COL8A1: variants seen among roughly 807,000 people sequenced by gnomAD.
COL8A1 encodes the protein collagen type VIII alpha 1 chain, also known as collagen alpha-1(VIII) chain.
In COL8A1, 21 loss-of-function variants were observed where a neutral mutation model predicts 42.7. The ratio of observed to expected loss-of-function variants is 0.49; its 90% CI spans 0.35 to 0.71. The LOEUF is 0.71. Among genes scored for constraint, COL8A1 ranks in the 30% least tolerant of loss-of-function variants. COL8A1 has a pLI of 0.01. For synonymous variants in COL8A1, 367 were observed against 369.1 expected (o/e 0.99, Z 0.06); for missense variants, 788 against 962.4 (o/e 0.82, Z 2.40).
At chr3:99,785,800 TG>T (rs978443359) in intron 2 of COL8A1, among the ~76,000 whole-genome samples, 89 of 152,298 alleles carry the variant, frequency 5.8e-4, no homozygotes, top group African/African-American at 2.1e-3. Flanking sequence ...AATCCAACTC[TG>T]CCAATATCTT....
intron 2 of COL8A1, among the ~76,000 whole-genome samples, chr3:99,773,333 C>A (rs1276710676): frequency 6.6e-6 from 1 of 152,072 alleles, no homozygotes; most frequent in Non-Finnish European, 1.5e-5. Flanking sequence ...AGTGAGCAGG[C>A]TCTTCTGGGT....
At position 99,733,067 on chromosome 3, in the gene COL8A1, C is replaced by T. The variant is rs540972854; in HGVS notation, c.-128-11830C>T. On this transcript the variant is annotated intron_variant, in intron 1 of 3. Coordinates refer to ENST00000652472, the MANE Select transcript of COL8A1 (RefSeq NM_020351.4). ...AAATGTCAGCTCCCACGGCCTTGGG[C>T]AACTCTACTCCTGTGGCTTTGCAGG... is the stretch of plus-strand genomic sequence containing the variant. 1.1e-4 allele frequency among the ~76,000 whole-genome samples: 16 copies of T among 150,950 alleles called. No individual in the cohort carries two copies. In the East Asian group the frequency reaches 3.1e-3, roughly 29 times the overall value.
intron 1 of COL8A1, among the ~76,000 whole-genome samples, chr3:99,710,315 G>C (rs1939799337): frequency 6.6e-6 from 1 of 152,142 alleles, no homozygotes; most frequent in Non-Finnish European, 1.5e-5. Flanking sequence ...GGGAGGAACA[G>C]GTTGTGACAC....
chr3:99,687,766 T>G lies in COL8A1; in HGVS notation c.-129+49102T>G, dbSNP rs149448951. Among the ~76,000 whole-genome samples the G allele has an allele frequency of 1.3e-3, 192 of 152,308 alleles. 1 individual carries two copies. Among genetic ancestry groups the G allele is most frequent in the African/African-American group, 4.3e-3 (179 of 41,568 alleles). ...CATTATAATAACAACCAGCTTAACA[T>G]AGTTGTAAAAATTAATGAAACCATT... On this transcript the variant is annotated intron_variant, in intron 1 of 3. Coordinates refer to ENST00000652472, the MANE Select transcript of COL8A1 (RefSeq NM_020351.4).
chr3:99,763,735 T>C (rs78600204), intron 2 of COL8A1, among the ~76,000 whole-genome samples: 1 of 152,326 alleles, frequency 6.6e-6, no homozygotes, highest in East Asian at 1.9e-4. Context: ...TACCATGTTC[T>C]GCTTCCTGAG....
At chr3:99,734,411 T>TA (rs1940631693) in intron 1 of COL8A1, among the ~76,000 whole-genome samples, 1 of 149,298 alleles carries the variant, frequency 6.7e-6, no homozygotes, top group South Asian at 2.1e-4. Flanking sequence ...TAGGGAATCC[T>TA]TTCCCCATTG....
intron 3 of COL8A1, among the ~76,000 whole-genome samples, chr3:99,793,743 TCTTA>T (rs1942045927): frequency 6.6e-6 from 1 of 152,142 alleles, no homozygotes; most frequent in Non-Finnish European, 1.5e-5. Flanking sequence ...GATTTTTCTT[TCTTA>T]TTTATTTATT....
chr3:99,688,356 T>G (rs1939124639), intron 1 of COL8A1, among the ~76,000 whole-genome samples: 1 of 152,194 alleles, frequency 6.6e-6, no homozygotes. Context: ...TTCCTTGTCT[T>G]TCCAGCTTCT....
chr3:99,754,020 T>A (rs1314141744), intron 2 of COL8A1, among the ~76,000 whole-genome samples: 2 of 152,214 alleles, frequency 1.3e-5, no homozygotes, highest in East Asian at 3.8e-4. Flanking sequence ...GCTGAAACAA[T>A]TAGTACTTGT....
intron 1 of COL8A1, among the ~76,000 whole-genome samples, chr3:99,686,348 G>A (rs1341117151): frequency 6.6e-6 from 1 of 152,160 alleles, no homozygotes; most frequent in Non-Finnish European, 1.5e-5. Flanking sequence ...GAACAATAAA[G>A]TAGCTAATCA....
At chr3:99,641,962 T>A (rs1937514141) in intron 1 of COL8A1, among the ~76,000 whole-genome samples, 1 of 152,144 alleles carries the variant, frequency 6.6e-6, no homozygotes, top group African/African-American at 2.4e-5. Flanking sequence ...CTTTTTAGCA[T>A]TGTGTGAAAA....
chr3:99,778,868 T>C (rs1284141253), intron 2 of COL8A1, among the ~76,000 whole-genome samples: 1 of 152,154 alleles, frequency 6.6e-6, no homozygotes, highest in Non-Finnish European at 1.5e-5. Context: ...GACAAGCATT[T>C]CTCAAGACTA....
rs769208321 is a variant in COL8A1, at chr3:99,686,870, T to G, written c.-129+48206T>G. ...TTTGTTTGTTTGTTTTTGGGGGGGGTTCTGTTTGTTTGTTTTTGAGACAGA... is the reference window on the plus strand; with the variant it reads ...TTTGTTTGTTTGTTTTTGGGGGGGGGTCTGTTTGTTTGTTTTTGAGACAGA... On this transcript the variant is annotated intron_variant, in intron 1 of 3. Coordinates refer to ENST00000652472, the MANE Select transcript of COL8A1 (RefSeq NM_020351.4). 4.6e-5 allele frequency among the ~76,000 whole-genome samples: 7 copies of G among 150,766 alleles called. 1 individual carries two copies.
In COL8A1 at chr3:99,763,274, A is replaced by T. The variant is rs146345977; in HGVS notation, c.-4+18253A>T. Among the ~76,000 whole-genome samples, 242 of 152,330 alleles carry T rather than the reference A, an allele frequency of 1.6e-3. No individual in the cohort carries two copies. In the East Asian group the frequency reaches 0.039, roughly 24 times the overall value. ...AATTAAGAGGAGAGAATACAAGCTC[A>T]TATTTCATTGTCATAAATTTCTTTA... On this transcript the variant is annotated intron_variant, in intron 2 of 3. Coordinates refer to ENST00000652472, the MANE Select transcript of COL8A1 (RefSeq NM_020351.4).
At chr3:99,735,562 A>T (rs1304973539) in intron 1 of COL8A1, among the ~76,000 whole-genome samples, 2 of 150,696 alleles carry the variant, frequency 1.3e-5, no homozygotes, top group Non-Finnish European at 2.9e-5. Flanking sequence ...CCAGTATTTT[A>T]TTGAGGATTT....
intron 2 of COL8A1, among the ~76,000 whole-genome samples, chr3:99,773,832 TATATA>T (rs1450365079): frequency 2.6e-4 from 20 of 77,818 alleles, no homozygotes; most frequent in African/African-American, 6.8e-4. Context: ...TATATATATA[TATATA>T]TTTTTTTTTT....
intron 1 of COL8A1, among the ~76,000 whole-genome samples, chr3:99,726,504 G>A (rs948384214): frequency 3.1e-4 from 47 of 151,500 alleles, no homozygotes; most frequent in African/African-American, 6.5e-4. Flanking sequence ...TGTCCTGAAT[G>A]GTATTGCCTA....
chr3:99,649,318 G>A lies in COL8A1; in HGVS notation c.-129+10654G>A, dbSNP rs372042588. Reference sequence around the variant, plus strand: ...GTGAGCTCCTTGCAGAAAGATTTGTGTCTTATTTACCTCTGCAACCTCAAT... The same window carrying A: ...GTGAGCTCCTTGCAGAAAGATTTGTATCTTATTTACCTCTGCAACCTCAAT... On this transcript the variant is annotated intron_variant, in intron 1 of 3. Transcript: ENST00000652472. Among the ~76,000 whole-genome samples the A allele has an allele frequency of 5.9e-5, 9 of 151,934 alleles. No individual in the cohort carries two copies. In the East Asian group the frequency reaches 1.4e-3, roughly 23 times the overall value.
intron 1 of COL8A1, among the ~76,000 whole-genome samples, chr3:99,674,021 T>A (rs1274500650): frequency 6.6e-6 from 1 of 152,092 alleles, no homozygotes; most frequent in East Asian, 1.9e-4. Context: ...GACATCTCCA[T>A]AACCTAGCCC....
Sources: allele counts gnomAD v4.1 joint callset (sites outside exome capture counted in the v4.1 genomes callset), GRCh38; gene constraint gnomAD v4.1.1; transcripts MANE v1.5; gene names NCBI Gene and HGNC (gene_info 2026-07-23, HGNC 2026-07-21).